The following CNTN5 variants were observed in gnomAD, a reference collection of about 807,000 sequenced individuals.
The protein encoded by CNTN5 is contactin 5, also known as contactin-5.
A neutral mutation model predicts 129.1 loss-of-function variants in CNTN5; 77 were observed. The observed-to-expected ratio is 0.60, with a 90% CI of 0.50 to 0.72. The LOEUF (loss-of-function observed/expected upper bound fraction) is 0.72. Among genes scored for constraint, CNTN5 ranks in the 30% least tolerant of loss-of-function variants. The pLI, the probability that CNTN5 is intolerant of heterozygous loss-of-function variation, is 0.00. For missense variants in CNTN5, 1,478 were observed against 1,328.8 expected (o/e 1.11, Z -1.75); for synonymous variants, 509 against 465.6 (o/e 1.09, Z -1.20).
chr11:99,918,534 TA>T (rs1271615101), intron 7 of CNTN5, among the ~76,000 whole-genome samples: 1 of 152,176 alleles, frequency 6.6e-6, no homozygotes, highest in East Asian at 1.9e-4. Flanking sequence ...TGCATCCTAT[TA>T]CGTTGTGAAA....
chr11:99,910,606 A>T lies in CNTN5; in HGVS notation c.578-5448A>T, dbSNP rs1949633316. Among the ~76,000 whole-genome samples, 4 of 152,164 alleles carry T rather than the reference A, an allele frequency of 2.6e-5. No homozygotes were observed. In the South Asian group the frequency reaches 8.3e-4, roughly 32 times the overall value. ...TTTTTAAAACTTTAGAATCAATCAC[A>T]TTGACTTTGATTTGCCAACTCTATT... On this transcript the variant is annotated intron_variant, in intron 6 of 24. Coordinates refer to ENST00000524871, the MANE Select transcript of CNTN5 (RefSeq NM_014361.4).
rs137910954 is a variant in CNTN5, at chr11:99,035,941, C to T, written c.-210+14671C>T. The stretch of plus-strand genomic sequence containing the variant: ...TCCTTTCCATGTTTAGCACTTCCTT[C>T]TGGAGCTCTTTTAGGGCAGGCCTGG... On this transcript the variant is annotated intron_variant, in intron 1 of 24. Coordinates refer to ENST00000524871, the MANE Select transcript of CNTN5 (RefSeq NM_014361.4). 4.6e-5 allele frequency among the ~76,000 whole-genome samples: 7 copies of T among 152,164 alleles called. 1 individual carries two copies. The highest frequency in any genetic ancestry group is 4.6e-4 in the Admixed American group (7 of 15,276).
intron 17 of CNTN5, among the ~76,000 whole-genome samples, chr11:100,257,853 G>T (rs764937859): frequency 6.6e-6 from 1 of 152,160 alleles, no homozygotes; most frequent in African/African-American, 2.4e-5. Flanking sequence ...CAAAAAGGCT[G>T]AAAATTCCAA....
chr11:100,047,423 A>T (rs923582600), intron 9 of CNTN5, among the ~76,000 whole-genome samples: 1 of 152,196 alleles, frequency 6.6e-6, no homozygotes, highest in African/African-American at 2.4e-5. Context: ...TGCCAGAAAA[A>T]AATTTGCCAA....
At chr11:99,819,812 G>T (rs1176410935) in intron 4 of CNTN5, 47 bp downstream of exon 4, 1 of 655,668 alleles carries the variant, frequency 1.5e-6, no homozygotes, top group Admixed American at 4.6e-5. Context: ...AGGAGGCAAA[G>T]AAGACTTATT....
At chr11:99,053,692 G>A (rs949458247) in intron 1 of CNTN5, among the ~76,000 whole-genome samples, 7 of 151,930 alleles carry the variant, frequency 4.6e-5, no homozygotes, top group African/African-American at 1.7e-4. Context: ...AAGTAAAACA[G>A]GTCAGAAAGA....
intron 9 of CNTN5, among the ~76,000 whole-genome samples, chr11:100,039,562 G>A (rs1942250860): frequency 6.6e-6 from 1 of 152,136 alleles, no homozygotes; most frequent in Admixed American, 6.5e-5. Flanking sequence ...CCTGCAGAGT[G>A]TTTTCCACCT....
intron 9 of CNTN5, among the ~76,000 whole-genome samples, chr11:100,029,879 T>C (rs1471632682): frequency 2.0e-5 from 3 of 152,202 alleles, no homozygotes; most frequent in Admixed American, 6.5e-5. Flanking sequence ...TACTGTCTGT[T>C]AAATTTTTTA....
chr11:100,211,518 A>C (rs1315535428), intron 15 of CNTN5, among the ~76,000 whole-genome samples: 1 of 152,098 alleles, frequency 6.6e-6, no homozygotes, highest in Non-Finnish European at 1.5e-5. Flanking sequence ...CTTGGGAAAG[A>C]CCATAAATCA....
At chr11:99,317,654 C>G (rs1458067403) in intron 1 of CNTN5, among the ~76,000 whole-genome samples, 1 of 152,056 alleles carries the variant, frequency 6.6e-6, no homozygotes, top group Non-Finnish European at 1.5e-5. Flanking sequence ...GCTTAAATAT[C>G]AAGGAGCCAC....
chr11:99,896,526 C>T (rs570423602), intron 6 of CNTN5, among the ~76,000 whole-genome samples: 172 of 152,248 alleles, frequency 1.1e-3, no homozygotes, highest in Non-Finnish European at 2.1e-3. Flanking sequence ...TGTTCCCTGC[C>T]AAACAGAACT....
chr11:99,314,247 A>G (rs1192781654), intron 1 of CNTN5, among the ~76,000 whole-genome samples: 5 of 152,088 alleles, frequency 3.3e-5, no homozygotes, highest in African/African-American at 1.2e-4. Flanking sequence ...CCCAAGTAGG[A>G]TGTGCATACT....
intron 1 of CNTN5, among the ~76,000 whole-genome samples, chr11:99,205,161 A>AATT (rs1196090777): frequency 6.9e-5 from 7 of 101,144 alleles, no homozygotes; most frequent in African/African-American, 2.4e-4. Flanking sequence ...CAAACTCAAT[A>AATT]AGCAAACAAA....
chr11:99,656,065 C>T lies in CNTN5; in HGVS notation c.55+99796C>T, dbSNP rs150333542. ...GTGTATATAGGTATAAGTGTGTGTACATATGTGTAAGTGTGTGTGTTATTG... is the reference window on the plus strand; with the variant it reads ...GTGTATATAGGTATAAGTGTGTGTATATATGTGTAAGTGTGTGTGTTATTG... On this transcript the variant is annotated intron_variant, in intron 3 of 24. Transcript: ENST00000524871. 2.8e-4 allele frequency among the ~76,000 whole-genome samples: 42 copies of T among 151,928 alleles called. 2 individuals carry two copies. The highest frequency in any genetic ancestry group is 9.2e-4 in the African/African-American group (38 of 41,466).
intron 2 of CNTN5, among the ~76,000 whole-genome samples, chr11:99,443,631 G>A (rs1000773970): frequency 8.5e-5 from 13 of 152,234 alleles, no homozygotes; most frequent in East Asian, 1.9e-4. Context: ...TAGAGTATAC[G>A]ACTGCTTGTG....
chr11:99,352,967 C>G (rs1404923210), intron 2 of CNTN5, among the ~76,000 whole-genome samples: 1 of 152,102 alleles, frequency 6.6e-6, no homozygotes, highest in Non-Finnish European at 1.5e-5. Flanking sequence ...TCAGGCTCTC[C>G]CTTATACCAC....
chr11:99,177,807 G>A (rs1857852422), intron 1 of CNTN5, among the ~76,000 whole-genome samples: 1 of 152,134 alleles, frequency 6.6e-6, no homozygotes, highest in Admixed American at 6.5e-5. Flanking sequence ...ACAAAGTGCA[G>A]GATGCTACAC....
intron 1 of CNTN5, among the ~76,000 whole-genome samples, chr11:99,307,075 G>T (rs1864910615): frequency 6.6e-6 from 1 of 152,048 alleles, no homozygotes; most frequent in Non-Finnish European, 1.5e-5. Flanking sequence ...GATCCCTAAT[G>T]AAATATGAAA....
At position 99,972,634 on chromosome 11, in the gene CNTN5, G is replaced by A. The variant is rs566046876; in HGVS notation, c.877+15625G>A. 4.8e-4 allele frequency among the ~76,000 whole-genome samples: 73 copies of A among 152,252 alleles called. 1 individual carries two copies. In the South Asian group the frequency reaches 0.014, roughly 29 times the overall value. ...GAGTGTTCAGTGACCTTGAAAAGCAGAGTCCTTCAGAAAATTTCCGAAGAG... is the reference window on the plus strand; with the variant it reads ...GAGTGTTCAGTGACCTTGAAAAGCAAAGTCCTTCAGAAAATTTCCGAAGAG... On this transcript the variant is annotated intron_variant, in intron 8 of 24. Coordinates refer to ENST00000524871, the MANE Select transcript of CNTN5 (RefSeq NM_014361.4).
Sources: gnomAD v4.1 joint callset for allele counts (sites outside exome capture counted in the v4.1 genomes callset) on GRCh38, gnomAD v4.1.1 for gene constraint, MANE v1.5 for transcripts, NCBI Gene and HGNC (gene_info 2026-07-23, HGNC 2026-07-21) for gene names.